DISC1: variants seen among roughly 807,000 people sequenced by gnomAD.
DISC1 encodes disrupted in schizophrenia 1 protein.
In DISC1, 57 loss-of-function variants were observed where a neutral mutation model predicts 84.5. The observed-to-expected ratio is 0.67, with a 90% CI of 0.55 to 0.84. The LOEUF is 0.84. Ranked by LOEUF, DISC1 falls within the 40% of genes least tolerant of loss-of-function variation. DISC1 has a pLI of 0.00. For synonymous variants in DISC1, 411 were observed against 415.2 expected (o/e 0.99, Z 0.12); for missense variants, 1,000 against 1,057.8 (o/e 0.95, Z 0.76).
In DISC1 at chr1:231,843,875, G is replaced by A. The variant is rs182313747; in HGVS notation, c.1981+25358G>A. 2.2e-4 allele frequency among the ~76,000 whole-genome samples: 33 copies of A among 152,326 alleles called. 1 individual carries two copies. The East Asian group carries it at 4.4e-3, about 20-fold the overall frequency. On this transcript the variant is annotated intron_variant, in intron 9 of 12. Transcript: ENST00000439617. ...TCAGTGGAGAGCTGGTTGCAAAGCT[G>A]AGGAAGGAGAGCTGACTGACGGCAG...
chr1:231,634,783 T>C (rs1180369960), intron 1 of DISC1, among the ~76,000 whole-genome samples: 1 of 152,150 alleles, frequency 6.6e-6, no homozygotes, highest in Non-Finnish European at 1.5e-5. Flanking sequence ...TGGTGGTGCA[T>C]GCCTATAGTC....
At chr1:231,862,887 A>G (rs774762447) in intron 9 of DISC1, among the ~76,000 whole-genome samples, 15 of 152,156 alleles carry the variant, frequency 9.9e-5, no homozygotes, top group Non-Finnish European at 1.9e-4. Context: ...ATATTAGTTT[A>G]TTTCTCACCT....
intron 3 of DISC1, chr1:231,745,512 G>A (rs752959636): frequency 2.9e-4 from 61 of 211,576 alleles, no homozygotes; most frequent in Middle Eastern, 5.4e-4. Context: ...ATGAGCCACC[G>A]CGCTCAGCCT....
chr1:231,785,007 G>A lies in DISC1; in HGVS notation c.1635-10235G>A, dbSNP rs115482940. On this transcript the variant is annotated intron_variant, in intron 6 of 12. Coordinates refer to ENST00000439617, the MANE Select transcript of DISC1 (RefSeq NM_018662.3). ...TCTGAAGTCTAGAGGAATTCATGGC[G>A]TTTGTGCCTCTGTGCTCCATGAATG... is the stretch of plus-strand genomic sequence containing the variant. Among the ~76,000 whole-genome samples, 725 of 152,274 alleles carry A rather than the reference G, an allele frequency of 4.8e-3. 7 individuals carry two copies. The highest frequency in any genetic ancestry group is 0.016 in the African/African-American group (684 of 41,554).
intron 1 of DISC1, among the ~76,000 whole-genome samples, chr1:231,656,974 T>A (rs550992560): frequency 6.6e-6 from 1 of 152,390 alleles, no homozygotes; most frequent in Admixed American, 6.5e-5. Flanking sequence ...ATCTTGTTCC[T>A]TTTTATGGCT....
chr1:231,847,432 T>C (rs1333542873), intron 9 of DISC1, among the ~76,000 whole-genome samples: 2 of 152,124 alleles, frequency 1.3e-5, no homozygotes, highest in Non-Finnish European at 2.9e-5. Flanking sequence ...GCCTATTCCA[T>C]ACCTCATTTT....
At chr1:231,837,327 A>G (rs2082697228) in intron 9 of DISC1, among the ~76,000 whole-genome samples, 2 of 152,322 alleles carry the variant, frequency 1.3e-5, no homozygotes, top group South Asian at 4.1e-4. Context: ...AGGCACTTGT[A>G]TGCAAATTCA....
chr1:231,825,160 C>G (rs1269087643), intron 9 of DISC1, among the ~76,000 whole-genome samples: 1 of 152,192 alleles, frequency 6.6e-6, no homozygotes, highest in Non-Finnish European at 1.5e-5. Flanking sequence ...AAAGTCCCTA[C>G]TATTGTTACA....
intron 3 of DISC1, among the ~76,000 whole-genome samples, chr1:231,702,874 A>G (rs775439218): frequency 2.0e-5 from 3 of 152,100 alleles, no homozygotes; most frequent in Non-Finnish European, 4.4e-5. Flanking sequence ...AATGACATGT[A>G]GATTCCCCTA....
chr1:232,008,625 C>T (rs1667755731), intron 10 of DISC1, among the ~76,000 whole-genome samples, 160 bp from the exon 11 acceptor site: 3 of 152,204 alleles, frequency 2.0e-5, no homozygotes. Context: ...AATTTGGTCC[C>T]TCTGATGAAT....
intron 12 of DISC1, 134 bp downstream of exon 12, chr1:232,026,686 G>T: frequency 1.6e-6 from 1 of 644,832 alleles, no homozygotes; most frequent in South Asian, 1.7e-5. Context: ...GAGCACCTCA[G>T]ATCTCTGAGA....
chr1:231,967,069 T>C (rs1661217993), intron 10 of DISC1, among the ~76,000 whole-genome samples: 1 of 152,262 alleles, frequency 6.6e-6, no homozygotes. Context: ...CAGTTCTCTT[T>C]TTAAAAACTA....
At chr1:231,645,863 T>C (rs1172356006) in intron 1 of DISC1, among the ~76,000 whole-genome samples, 2 of 151,656 alleles carry the variant, frequency 1.3e-5, no homozygotes, top group Admixed American at 1.3e-4. Context: ...TATGGCTGCG[T>C]AGTATTCCAT....
intron 12 of DISC1, among the ~76,000 whole-genome samples, chr1:232,032,403 T>C (rs1670132683): frequency 6.6e-6 from 1 of 152,208 alleles, no homozygotes. Context: ...CCTTATCATC[T>C]ATTCCTGAAT....
chr1:231,718,804 GC>G (rs2069162331), intron 3 of DISC1, among the ~76,000 whole-genome samples: 1 of 152,124 alleles, frequency 6.6e-6, no homozygotes, highest in South Asian at 2.1e-4. Flanking sequence ...TAGTACCTCT[GC>G]CTGCACTTAC....
intron 9 of DISC1, among the ~76,000 whole-genome samples, chr1:231,932,468 A>G (rs1469581052): frequency 6.6e-6 from 1 of 152,154 alleles, no homozygotes; most frequent in Admixed American, 6.5e-5. Flanking sequence ...AACCTAACAC[A>G]TAGGGATTAT....
At chr1:231,880,777 G>A (rs918377650) in intron 9 of DISC1, among the ~76,000 whole-genome samples, 2 of 152,064 alleles carry the variant, frequency 1.3e-5, no homozygotes, top group East Asian at 1.9e-4. Flanking sequence ...TGAAATCATC[G>A]GGATGTGGAA....
At chr1:231,837,232 A>G (rs1301998617) in intron 9 of DISC1, among the ~76,000 whole-genome samples, 6 of 152,200 alleles carry the variant, frequency 3.9e-5, no homozygotes, top group East Asian at 1.9e-4. Context: ...TGCTTCTCAT[A>G]ATGACAATTA....
chr1:231,942,696 A>G (rs2091422429), intron 9 of DISC1, among the ~76,000 whole-genome samples: 1 of 152,106 alleles, frequency 6.6e-6, no homozygotes, highest in African/African-American at 2.4e-5. Flanking sequence ...ATAAAAAAGA[A>G]AAAAAAGAAA....
Sources: allele counts gnomAD v4.1 joint callset (sites outside exome capture counted in the v4.1 genomes callset), GRCh38; gene constraint gnomAD v4.1.1; transcripts MANE v1.5; gene names NCBI Gene and HGNC (gene_info 2026-07-23, HGNC 2026-07-21).